OXR1: variants seen among roughly 807,000 people sequenced by gnomAD.
The protein encoded by OXR1 is oxidation resistance 1.
A neutral mutation model predicts 104.6 loss-of-function variants in OXR1; 41 were observed. That is an observed-to-expected ratio of 0.39 (90% CI 0.31 to 0.51). The LOEUF is 0.51. Ranked by LOEUF, OXR1 falls within the 20% of genes least tolerant of loss-of-function variation. OXR1 has a pLI of 0.77. For synonymous variants in OXR1, 348 were observed against 348.4 expected, an observed-to-expected ratio of 1.00 and a Z score of 0.01; for missense variants, 955 against 1,031.9, an observed-to-expected ratio of 0.93 and a Z score of 1.02.
intron 2 of OXR1, among the ~76,000 whole-genome samples, chr8:106,379,505 C>T (rs1226917609): frequency 6.8e-6 from 1 of 147,580 alleles, no homozygotes; most frequent in Non-Finnish European, 1.5e-5. Context: ...TATAATAAGC[C>T]TGTATTCTTT....
chr8:106,698,044 T>A, intron 7 of OXR1: 2 of 1,523,074 alleles, frequency 1.3e-6, no homozygotes, highest in Middle Eastern at 3.4e-4. Flanking sequence ...GCGGGGAGCG[T>A]TCAAACGGGC....
chr8:106,677,930 T>C (rs547202791), intron 3 of OXR1, among the ~76,000 whole-genome samples: 2 of 152,224 alleles, frequency 1.3e-5, no homozygotes, highest in South Asian at 4.1e-4. Flanking sequence ...TATTAGATGC[T>C]TGCCATGTGT....
intron 3 of OXR1, among the ~76,000 whole-genome samples, chr8:106,526,612 G>A (rs918992592): frequency 1.6e-4 from 24 of 152,170 alleles, no homozygotes; most frequent in Non-Finnish European, 2.9e-5. Context: ...GCGCAATCTC[G>A]GCTCGCTGCA....
intron 3 of OXR1, among the ~76,000 whole-genome samples, chr8:106,595,402 T>C (rs779525842): frequency 6.6e-6 from 1 of 151,732 alleles, no homozygotes; most frequent in Non-Finnish European, 1.5e-5. Flanking sequence ...ATACAAAAAT[T>C]AGCCAGGCAT....
intron 1 of OXR1, among the ~76,000 whole-genome samples, chr8:106,275,368 A>C (rs895825503): frequency 6.6e-6 from 1 of 152,172 alleles, no homozygotes; most frequent in Non-Finnish European, 1.5e-5. Context: ...GCCCTTTTGC[A>C]CTTCTGATAG....
At position 106,527,352 on chromosome 8, in the gene OXR1, G is replaced by C. The variant is rs1422273236; in HGVS notation, c.220+8213G>C. Among the ~76,000 whole-genome samples the C allele has an allele frequency of 2.0e-5, 3 of 152,112 alleles. No individual in the cohort carries two copies. In the East Asian group the frequency reaches 5.8e-4, roughly 29 times the overall value. ...CTCTTGTCTTGACCTTTGTGGATCTGATCAAGTCATCCCCTGTTTAAAACC... is the reference window on the plus strand; with the variant it reads ...CTCTTGTCTTGACCTTTGTGGATCTCATCAAGTCATCCCCTGTTTAAAACC... On this transcript the variant is annotated intron_variant, in intron 3 of 16. Coordinates refer to ENST00000517566, the MANE Select transcript of OXR1 (RefSeq NM_001198533.2).
chr8:106,683,564 A>G (rs1828392733), intron 5 of OXR1, among the ~76,000 whole-genome samples: 1 of 152,150 alleles, frequency 6.6e-6, no homozygotes, highest in African/African-American at 2.4e-5. Context: ...ATTCAGAACA[A>G]TATATGCATA....
intron 6 of OXR1, among the ~76,000 whole-genome samples, chr8:106,689,387 A>G (rs1347234466): frequency 6.6e-6 from 1 of 152,042 alleles, no homozygotes; most frequent in Non-Finnish European, 1.5e-5. Flanking sequence ...CTCATGTATG[A>G]CCTTACCTTA....
chr8:106,344,806 C>T (rs1815410435), intron 1 of OXR1, among the ~76,000 whole-genome samples: 2 of 152,236 alleles, frequency 1.3e-5, no homozygotes, highest in Admixed American at 1.3e-4. Context: ...CATCTTACCA[C>T]ATACCCCTCA....
intron 10 of OXR1, among the ~76,000 whole-genome samples, chr8:106,713,006 G>A (rs1277855561): frequency 6.6e-6 from 1 of 151,888 alleles, no homozygotes; most frequent in Non-Finnish European, 1.5e-5. Flanking sequence ...TAGGAAAACT[G>A]CTGCATAGAT....
At chr8:106,303,830 AC>A (rs1813365898) in intron 1 of OXR1, among the ~76,000 whole-genome samples, 2 of 152,320 alleles carry the variant, frequency 1.3e-5, no homozygotes, top group African/African-American at 4.8e-5. Context: ...TGTGATATCT[AC>A]CAGTGATTTA....
At chr8:106,609,356 A>T (rs1337792225) in intron 3 of OXR1, among the ~76,000 whole-genome samples, 1 of 152,194 alleles carries the variant, frequency 6.6e-6, no homozygotes, top group Non-Finnish European at 1.5e-5. Context: ...TATACACAGG[A>T]GGTCAGTTTG....
Position 106,739,575 on chromosome 8 carries a change from A to G in OXR1, c.2155A>G (p.Ile719Val). The G allele has an allele frequency of 6.2e-7, 1 of 1,613,242 alleles. No individual in the cohort carries two copies. ...DPSELLLPDQ[I>V]EKLTKHLPPR... ...CAGTGAACTTTTACTGCCAGATCAA[A>G]TTGAAAAGGTATGACATGCTCACAT... The change falls in exon 13 of 17, where the codon ATT becomes GTT. Residue 719 changes from isoleucine to valine, a missense_variant. By Grantham distance (29) the Ile-to-Val change is conservative. Transcript: ENST00000517566.
At chr8:106,458,512 A>G (rs569183896) in intron 2 of OXR1, among the ~76,000 whole-genome samples, 1 of 152,284 alleles carries the variant, frequency 6.6e-6, no homozygotes, top group Non-Finnish European at 1.5e-5. Flanking sequence ...GATTTCTCAC[A>G]GGAGTAGAGT....
chr8:106,533,918 G>T (rs1460608032), intron 3 of OXR1, among the ~76,000 whole-genome samples: 2 of 151,786 alleles, frequency 1.3e-5, no homozygotes, highest in Non-Finnish European at 2.9e-5. Context: ...TTTCCATATT[G>T]ATCAGTCTGG....
intron 2 of OXR1, among the ~76,000 whole-genome samples, chr8:106,472,480 A>G (rs1821569669): frequency 6.6e-6 from 1 of 151,838 alleles, no homozygotes; most frequent in African/African-American, 2.4e-5. Context: ...AATACTGTAC[A>G]GTCAGGCTAT....
At chr8:106,527,795 A>G (rs1191075853) in intron 3 of OXR1, among the ~76,000 whole-genome samples, 1 of 152,264 alleles carries the variant, frequency 6.6e-6, no homozygotes, top group East Asian at 1.9e-4. Context: ...AGTCTCTGGA[A>G]GTTAAATGAC....
chr8:106,491,110 G>A (rs1289644342), intron 2 of OXR1, among the ~76,000 whole-genome samples: 1 of 152,078 alleles, frequency 6.6e-6, no homozygotes, highest in Non-Finnish European at 1.5e-5. Flanking sequence ...CAATATGCAG[G>A]CATCCTGATT....
At chr8:106,638,813 A>C (rs1465958193) in intron 3 of OXR1, among the ~76,000 whole-genome samples, 1 of 151,938 alleles carries the variant, frequency 6.6e-6, no homozygotes, top group Non-Finnish European at 1.5e-5. Flanking sequence ...GAAATGCTTG[A>C]ACCTGGGAGG....
Sources: gnomAD v4.1 joint callset for allele counts (sites outside exome capture counted in the v4.1 genomes callset) on GRCh38, gnomAD v4.1.1 for gene constraint, MANE v1.5 for transcripts, NCBI Gene and HGNC (gene_info 2026-07-23, HGNC 2026-07-21) for gene names.